The following BTN2A1 variants were observed in gnomAD, a reference collection of about 807,000 sequenced individuals.
BTN2A1 encodes butyrophilin subfamily 2 member A1, also known as butyrophilin, subfamily 2, member A1.
In BTN2A1, 41 loss-of-function variants were observed where a neutral mutation model predicts 34.5. The observed-to-expected ratio is 1.19, with a 90% CI of 0.93 to 1.54. BTN2A1 has a LOEUF of 1.54. Among genes scored for constraint, BTN2A1 ranks in the 40% most tolerant of loss-of-function variants. The pLI is 0.00. For synonymous variants in BTN2A1, 267 were observed against 258.6 expected, an observed-to-expected ratio of 1.03 and a Z score of -0.31; for missense variants, 642 against 662.0, an observed-to-expected ratio of 0.97 and a Z score of 0.33.
chr6:26,459,210 G>A (rs1581665788), intron 2 of BTN2A1, among the ~76,000 whole-genome samples: 1 of 152,134 alleles, frequency 6.6e-6, no homozygotes, highest in Admixed American at 6.5e-5. Flanking sequence ...TTGGGAAATC[G>A]AGGAAAATCC....
downstream of BTN2A1, among the ~76,000 whole-genome samples, chr6:26,472,374 AC>A (rs1438080409): frequency 6.6e-6 from 1 of 152,200 alleles, no homozygotes; most frequent in Non-Finnish European, 1.5e-5. Flanking sequence ...GGATTTTATT[AC>A]TGAGAAAAGT....
downstream of BTN2A1, among the ~76,000 whole-genome samples, chr6:26,472,270 C>G (rs1227582647): frequency 6.6e-6 from 1 of 152,142 alleles, no homozygotes; most frequent in African/African-American, 2.4e-5. Context: ...AATAATCTGT[C>G]TGATAAACTT....
chr6:26,466,196 A>G, intron 7 of BTN2A1, 108 bp downstream of exon 7: 1 of 1,550,856 alleles, frequency 6.4e-7, no homozygotes, highest in Non-Finnish European at 8.9e-7. Flanking sequence ...TGGGGACAGC[A>G]GGGAACGGGG....
At chr6:26,458,830 C>T in intron 2 of BTN2A1, 112 bp downstream of exon 2, 1 of 1,352,766 alleles carries the variant, frequency 7.4e-7, no homozygotes, top group Middle Eastern at 2.0e-4. Flanking sequence ...CCCTTTCATT[C>T]TGAACATGTT....
Position 26,462,790 on chromosome 6 carries a change from A to G in BTN2A1, c.431-454A>G, listed in dbSNP as rs753918508. The G allele has an allele frequency of 4.7e-6, 6 of 1,286,538 alleles. No homozygotes were observed. In the South Asian group the frequency reaches 7.4e-5, roughly 16 times the overall value. The allele number at this position is 1,286,538 out of a possible 1,614,324, so 79.7% of individuals were successfully genotyped here. On this transcript the variant is annotated intron_variant, in intron 3 of 7. Transcript: ENST00000312541. ...GCAGACTTTCGTCCTTCTCGTTATT[A>G]TTCTAGAGCTTCTGGAAGCTGAGGT...
rs933212342 is a variant in BTN2A1 at position 26,468,420 on chromosome 6, G to A, written c.1455G>A (p.Arg485=). 1 of 1,614,032 alleles carries A rather than the reference G, an allele frequency of 6.2e-7. No individual in the cohort carries two copies. Among genetic ancestry groups the A allele is most frequent in the Non-Finnish European group, 8.5e-7 (1 of 1,180,018 alleles). The change falls in exon 8 of 8, where the codon AGG becomes AGA. Residue 485 remains arginine, a synonymous_variant. Coordinates refer to ENST00000312541, the MANE Select transcript of BTN2A1 (RefSeq NM_007049.5). ...GTTCAGCCTTTTCCGTGCCTGTGAG[G>A]CCCTTCTTCAGGTTGGGGTGTGAGG... ...CPRSAFSVPV[R]PFFRLGCEDS...
chr6:26,463,175 A>C, intron 3 of BTN2A1, 69 bp from the exon 4 acceptor site: 1 of 1,467,210 alleles, frequency 6.8e-7, no homozygotes, highest in South Asian at 1.4e-5. Context: ...TTCACAGAAG[A>C]GATGCAATAG....
chr6:26,476,380 C>A, exon 8 of BTN2A1: 1 of 737,860 alleles, frequency 1.4e-6, no homozygotes, highest in Admixed American at 1.8e-5. Context: ...TCGAAGATGG[C>A]AGTTTTCCCA....
chr6:26,458,885 A>G (rs986827911), intron 2 of BTN2A1, among the ~76,000 whole-genome samples, 167 bp downstream of exon 2: 15 of 152,248 alleles, frequency 9.9e-5, no homozygotes, highest in Admixed American at 8.5e-4. Flanking sequence ...ACAGTGAGGC[A>G]CAAAGGCCGA....
At chr6:26,471,780 A>C (rs1763456956), downstream of BTN2A1, among the ~76,000 whole-genome samples, 1 of 152,224 alleles carries the variant, frequency 6.6e-6, no homozygotes, top group Non-Finnish European at 1.5e-5. Context: ...CCAAAGGTTC[A>C]GTTGTGGATA....
chr6:26,469,920 T>C (rs755627051), downstream of BTN2A1, among the ~76,000 whole-genome samples: 2 of 152,168 alleles, frequency 1.3e-5, no homozygotes, highest in Non-Finnish European at 2.9e-5. Context: ...AGCGCACGCC[T>C]GTAGTCCCTG....
In BTN2A1 at chr6:26,468,622, G is replaced by A; in HGVS notation, c.*73G>A. On this transcript the variant is annotated 3_prime_UTR_variant, in exon 8 of 8. Coordinates refer to ENST00000312541, the MANE Select transcript of BTN2A1 (RefSeq NM_007049.5). ...CAGCAGCCACCGCACAACACCCCTG[G>A]TGGAAGACACGCCCTCCTCCCCTCT... 1.9e-6 allele frequency: 3 copies of A among 1,614,132 alleles called. No individual in the cohort carries two copies. Among genetic ancestry groups the A allele is most frequent in the African/African-American group, 1.3e-5 (1 of 75,022 alleles).
At chr6:26,465,745 A>G (rs944080223) in intron 5 of BTN2A1, 4 of 885,314 alleles carry the variant, frequency 4.5e-6, no homozygotes, top group African/African-American at 1.8e-5. Context: ...TAAAGTACTA[A>G]ATGGTTGAGC....
chr6:26,461,255 C>G (rs931898888), intron 3 of BTN2A1, among the ~76,000 whole-genome samples: 5 of 152,180 alleles, frequency 3.3e-5, no homozygotes, highest in African/African-American at 1.2e-4. Context: ...GTGGCCTGGC[C>G]TTTCCCACTC....
chr6:26,475,797 T>G (rs979402964), intron 7 of BTN2A1, among the ~76,000 whole-genome samples: 2 of 151,518 alleles, frequency 1.3e-5, no homozygotes, highest in Non-Finnish European at 2.9e-5. Flanking sequence ...ATGTACTGGA[T>G]TGAGGGGAAA....
intron 7 of BTN2A1, 183 bp from the exon 8 acceptor site, chr6:26,467,765 A>T: frequency 6.3e-7 from 1 of 1,577,996 alleles, no homozygotes; most frequent in Non-Finnish European, 8.6e-7. Context: ...GTCTCTGGAG[A>T]GACAGAAGTG....
chr6:26,467,806 C>T (rs544256355), intron 7 of BTN2A1, 142 bp from the exon 8 acceptor site: 2 of 1,560,566 alleles, frequency 1.3e-6, no homozygotes, highest in Non-Finnish European at 1.7e-6. Flanking sequence ...GTGTGAGCTG[C>T]CTAGGATCAG....
At chr6:26,476,250 C>T (rs1561876862) in exon 8 of BTN2A1, 8 of 1,400,932 alleles carry the variant, frequency 5.7e-6, no homozygotes, top group Non-Finnish European at 7.8e-6. Flanking sequence ...GACCAGAGCA[C>T]TCCAAGTTGG....
At chr6:26,475,139 G>T (rs1258198921) in intron 7 of BTN2A1, among the ~76,000 whole-genome samples, 2 of 152,134 alleles carry the variant, frequency 1.3e-5, no homozygotes, top group Admixed American at 6.5e-5. Flanking sequence ...AAAGAGATGT[G>T]CCTTAAAGAT....
Sources: gnomAD v4.1 joint callset for allele counts (sites outside exome capture counted in the v4.1 genomes callset) on GRCh38, gnomAD v4.1.1 for gene constraint, MANE v1.5 for transcripts, NCBI Gene and HGNC (gene_info 2026-07-23, HGNC 2026-07-21) for gene names.